The following GPSM1 variants were observed in gnomAD, a reference collection of about 807,000 sequenced individuals.
GPSM1 encodes the protein G protein signaling modulator 1.
GPSM1 carries 48 observed loss-of-function variants against 70.5 expected under a neutral mutation model. That is an observed-to-expected ratio of 0.68 (90% CI 0.54 to 0.87). The LOEUF is 0.87. Ranked by LOEUF, GPSM1 falls within the 40% of genes least tolerant of loss-of-function variation. The pLI is 0.00. For missense variants in GPSM1, 981 were observed against 972.6 expected, an observed-to-expected ratio of 1.01 and a Z score of -0.11; for synonymous variants, 416 against 430.1, an observed-to-expected ratio of 0.97 and a Z score of 0.41.
Position 136,338,705 on chromosome 9 carries a change from C to T in GPSM1, c.969C>T (p.Ala323=), listed in dbSNP as rs372337728. Residue 323 remains alanine, a synonymous_variant, in exon 7 of 14, where the codon GCC becomes GCT. Coordinates refer to ENST00000440944, the MANE Select transcript of GPSM1 (RefSeq NM_001145638.3). ...ACCTGCTCATTGCCCAGGAGCTGGC[C>T]GACAGGTGCGTGGGCGCGGACGCGG... ...LRHLLIAQEL[A]DRVGEGRACW... 7.3e-5 allele frequency: 114 copies of T among 1,554,116 alleles called. 1 individual carries two copies. The African/African-American group carries it at 1.3e-3, about 18-fold the overall frequency.
At chr9:136,353,329 C>T (rs1832722396) in intron 11 of GPSM1, among the ~76,000 whole-genome samples, 1 of 152,124 alleles carries the variant, frequency 6.6e-6, no homozygotes, top group African/African-American at 2.4e-5. Context: ...GACTCTGAGG[C>T]CTCCGGGAAG....
Position 136,358,674 on chromosome 9 carries a change from GGC to G in GPSM1, c.*455_*456del. On this transcript the variant is annotated 3_prime_UTR_variant, in exon 14 of 14. Coordinates refer to ENST00000440944, the MANE Select transcript of GPSM1 (RefSeq NM_001145638.3). Reference sequence around the variant, plus strand: ...CTGGTCTTGGGATGGCCGTGTGACAGGCATGCTCCACCCCTCCAGCTTCGTCC... The same window carrying G: ...CTGGTCTTGGGATGGCCGTGTGACAGATGCTCCACCCCTCCAGCTTCGTCC... 3.1e-5 allele frequency: 7 copies of G among 224,190 alleles called. No homozygotes were observed. The highest frequency in any genetic ancestry group is 1.6e-4 in the East Asian group (1 of 6,084). 13.9% of individuals were successfully genotyped at this position (224,190 alleles called of 1,614,324 possible). A position where few individuals can be genotyped will look rare whatever the true frequency, so the allele number is the denominator to read the frequency against.
In GPSM1 at chr9:136,349,634, C is replaced by T. The variant is rs782593827; in HGVS notation, c.1326C>T (p.Ser442=). ...SHHSGDWRGP[S]RDSLPLPVRS... ...ATTCAGGGGACTGGCGGGGGCCCAG[C>T]AGGGACTCGCTACCCCTCCCCGTGA... is the stretch of plus-strand genomic sequence containing the variant. Residue 442 remains serine (S), a synonymous_variant, in exon 11 of 14, where the codon AGC becomes AGT. Transcript: ENST00000440944. 1 of 1,549,746 alleles carries T rather than the reference C, an allele frequency of 6.5e-7. No homozygotes were observed. Among genetic ancestry groups the T allele is most frequent in the African/African-American group, 1.4e-5 (1 of 73,052 alleles).
chr9:136,342,870 G>A lies in GPSM1; in HGVS notation c.1207+1877G>A, dbSNP rs555852559. 4.3e-3 allele frequency among the ~76,000 whole-genome samples: 653 copies of A among 151,996 alleles called. 6 individuals are homozygous for A. The highest frequency in any genetic ancestry group is 0.014 in the African/African-American group (572 of 41,470). On this transcript the variant is annotated intron_variant, in intron 9 of 13. Transcript: ENST00000440944. The surrounding 1 kb of genome is among the most constrained non-coding windows in gnomAD (Gnocchi z 5.5). ...GCGGGGTGTGGGCAGGGAGGAGGAA[G>A]TCGTCTGGAGGTGGGGCTTCAGCCC...
At position 136,342,280 on chromosome 9, in the gene GPSM1, C is replaced by G. The variant is rs1301512510; in HGVS notation, c.1207+1287C>G. Among the ~76,000 whole-genome samples the G allele has an allele frequency of 6.6e-6, 1 of 152,156 alleles. No homozygotes were observed. The highest frequency in any genetic ancestry group is 1.5e-5 in the Non-Finnish European group (1 of 68,022). On this transcript the variant is annotated intron_variant, in intron 9 of 13. Coordinates refer to ENST00000440944, the MANE Select transcript of GPSM1 (RefSeq NM_001145638.3). This position sits in a 1 kb window ranked among gnomAD's most constrained non-coding sequence, Gnocchi z 5.5. Reference sequence around the variant, plus strand: ...TCGGCACTGCCACCATCTGGGACCCCAGCAGCAACTGGCAGCAGGGCTGGG... The same window carrying G: ...TCGGCACTGCCACCATCTGGGACCCGAGCAGCAACTGGCAGCAGGGCTGGG...
intron 9 of GPSM1, among the ~76,000 whole-genome samples, chr9:136,344,280 G>T (rs1257650876): frequency 3.9e-5 from 6 of 151,982 alleles, no homozygotes; most frequent in African/African-American, 1.5e-4. Context: ...AGGAACAGGG[G>T]AAGCAGGCTG....
intron 1 of GPSM1, 30 bp downstream of exon 1, chr9:136,327,793 CG>C: frequency 9.9e-7 from 1 of 1,012,050 alleles, no homozygotes; most frequent in Non-Finnish European, 1.2e-6. Context: ...GGGCCGGGGC[CG>C]GGGCTGGGAC....
chr9:136,339,989 G>A (rs534593571), intron 8 of GPSM1, among the ~76,000 whole-genome samples, 174 bp downstream of exon 8: 2 of 136,172 alleles, frequency 1.5e-5, no homozygotes, highest in African/African-American at 6.4e-5. Context: ...ACCATGCCCG[G>A]GGGTTTTTCC....
Position 136,342,321 on chromosome 9 carries a change from G to T in GPSM1, c.1207+1328G>T, listed in dbSNP as rs1832411249. 6.6e-6 allele frequency among the ~76,000 whole-genome samples: 1 copy of T among 152,074 alleles called. No individual in the cohort carries two copies. Among genetic ancestry groups the T allele is most frequent in the Non-Finnish European group, 1.5e-5 (1 of 67,988 alleles). On this transcript the variant is annotated intron_variant, in intron 9 of 13. Coordinates refer to ENST00000440944, the MANE Select transcript of GPSM1 (RefSeq NM_001145638.3). The surrounding 1 kb of genome is among the most constrained non-coding windows in gnomAD (Gnocchi z 5.5). Reference sequence around the variant, plus strand: ...CAGGGCTGGGAGCAGCTCTGGAAAGGCTCCGCGGAGGCTGCGGCTCTGGGT... The same window carrying T: ...CAGGGCTGGGAGCAGCTCTGGAAAGTCTCCGCGGAGGCTGCGGCTCTGGGT...
chr9:136,338,590 A>G lies in GPSM1; in HGVS notation c.854A>G (p.Gln285Arg). Residue 285 changes from glutamine to arginine, a missense_variant, in exon 7 of 14, where the codon CAG becomes CGG. Transcript: ENST00000440944. ...TLQLSRQLRD[Q>R]AVEAQACYSL... is the part of the protein sequence containing the mutation. ...CAACTGTCTCGGCAGCTCAGGGACC[A>G]GGCAGTGGAGGCGCAGGCCTGCTAC... is the stretch of plus-strand genomic sequence containing the variant. 6.2e-7 allele frequency: 1 copy of G among 1,611,404 alleles called. No homozygotes were observed. Among genetic ancestry groups the G allele is most frequent in the South Asian group, 1.1e-5 (1 of 90,746 alleles).
intron 9 of GPSM1, among the ~76,000 whole-genome samples, chr9:136,346,286 G>A (rs1266657332): frequency 2.0e-5 from 3 of 152,210 alleles, no homozygotes; most frequent in African/African-American, 7.2e-5. Context: ...ATTCGCCGTG[G>A]GCTGGTCTGG....
In GPSM1 at chr9:136,340,914, G is replaced by A. The variant is rs782694099; in HGVS notation, c.1128G>A (p.Ala376=). 8.3e-6 allele frequency: 13 copies of A among 1,573,084 alleles called. No individual in the cohort carries two copies. Among genetic ancestry groups the A allele is most frequent in the Admixed American group, 7.4e-5 (4 of 54,366 alleles). ...HGELTARMNV[A]QLQLVLGRLT... ...AGCTCACGGCCCGCATGAACGTGGC[G>A]CAGCTGCAGCTGGTGCTCGGCCGCC... Residue 376 remains alanine, a synonymous_variant, in exon 9 of 14, where the codon GCG becomes GCA. Transcript: ENST00000440944. The surrounding 1 kb of genome is among the most constrained non-coding windows in gnomAD (Gnocchi z 7.3).
rs561712477 is a variant in GPSM1 at position 136,339,594 on chromosome 9, C to T, written c.975-113C>T. ...CAATGCCCCTTGGGCCTGGGGGCCC[C>T]TGATGACCCTCGAAGCCAGGGTCAT... On this transcript the variant is annotated intron_variant, in intron 7 of 13. Transcript: ENST00000440944. The T allele has an allele frequency of 1.6e-4, 117 of 723,238 alleles. No homozygotes were observed. The East Asian group carries it at 3.0e-3, about 18-fold the overall frequency. 44.8% of individuals were successfully genotyped at this position (723,238 alleles called of 1,614,324 possible).
At chr9:136,352,308 ACACCGATGCTGCG>A (rs1564355482) in intron 11 of GPSM1, among the ~76,000 whole-genome samples, 22 of 147,824 alleles carry the variant, frequency 1.5e-4, no homozygotes, top group Non-Finnish European at 3.2e-4. Flanking sequence ...GCTGTTGGTG[ACACCGATGCTGCG>A]CCGTTGCTGT....
intron 3 of GPSM1, 126 bp downstream of exon 3, chr9:136,336,227 C>G: frequency 2.6e-6 from 3 of 1,152,180 alleles, no homozygotes; most frequent in Non-Finnish European, 3.7e-6. Context: ...ACAGGGAGGT[C>G]GGTCCCCTAG....
rs1454702476 is a variant in GPSM1, at chr9:136,340,537, C to G, written c.1084-333C>G. On this transcript the variant is annotated intron_variant, in intron 8 of 13. Transcript: ENST00000440944. The surrounding 1 kb of genome is among the most constrained non-coding windows in gnomAD (Gnocchi z 7.3). ...GGGTCCCCCACAGAGCCTCGGCGCA[C>G]AAGGCAGGGGCTGAGAGAGGTGCAG... Among the ~76,000 whole-genome samples the G allele has an allele frequency of 6.6e-6, 1 of 152,030 alleles. No individual in the cohort carries two copies. The highest frequency in any genetic ancestry group is 1.5e-5 in the Non-Finnish European group (1 of 67,998).
intron 1 of GPSM1, among the ~76,000 whole-genome samples, chr9:136,332,908 C>T (rs923467263): frequency 6.7e-6 from 1 of 148,618 alleles, no homozygotes; most frequent in Non-Finnish European, 1.5e-5. Context: ...ACTTGGGAGG[C>T]TGAGGTAGGA....
At chr9:136,332,910 G>A (rs1832136923) in intron 1 of GPSM1, among the ~76,000 whole-genome samples, 1 of 151,832 alleles carries the variant, frequency 6.6e-6, no homozygotes, top group African/African-American at 2.4e-5. Flanking sequence ...TTGGGAGGCT[G>A]AGGTAGGAGG....
At chr9:136,332,108 G>C (rs1486509808) in intron 1 of GPSM1, 2 of 399,306 alleles carry the variant, frequency 5.0e-6, no homozygotes, top group Non-Finnish European at 8.8e-6. Context: ...GCCCGCTGCT[G>C]CTGCCCGTGG....
Sources: gnomAD v4.1 joint callset for allele counts (sites outside exome capture counted in the v4.1 genomes callset) on GRCh38, gnomAD v4.1.1 for gene constraint, Gnocchi (gnomAD v3.1) non-coding constraint, MANE v1.5 for transcripts, NCBI Gene and HGNC (gene_info 2026-07-23, HGNC 2026-07-21) for gene names.